The following NLN variants were observed in gnomAD, a reference collection of about 807,000 sequenced individuals.
NLN encodes the protein neurolysin.
Under a neutral mutation model 79.9 loss-of-function variants are expected in NLN, and 64 were observed. The ratio of observed to expected loss-of-function variants is 0.80; its 90% CI spans 0.65 to 0.99. NLN has a LOEUF of 0.99. NLN is among the 50% of genes least tolerant of loss of function. The pLI is 0.00. For missense variants in NLN, 835 were observed against 858.7 expected (o/e 0.97, Z 0.34); for synonymous variants, 267 against 296.6 (o/e 0.90, Z 1.02).
intron 12 of NLN, among the ~76,000 whole-genome samples, chr5:65,822,428 C>A (rs1353279236): frequency 6.6e-6 from 1 of 152,208 alleles, no homozygotes; most frequent in Admixed American, 6.5e-5. Flanking sequence ...TGAACACTTG[C>A]TTTCTAAGCC....
rs1483137489 is a variant in NLN, at chr5:65,785,793, C to T, written c.841C>T (p.Gln281Ter). Residue 281 changes from glutamine (Q) to a stop codon, truncating the protein, a stop_gained, in exon 7 of 13, where the codon CAG becomes TAG. Coordinates refer to ENST00000380985, the MANE Select transcript of NLN (RefSeq NM_020726.5). LOFTEE classifies it high-confidence loss of function. ...TTACTAGGAAAACACCATAATTTTG[C>T]AGCAGCTACTCCCACTGCGAACCAA... ...RCKEENTIIL[Q>*]QLLPLRTKVA... is the part of the protein sequence containing the mutation. The T allele has an allele frequency of 6.2e-7, 1 of 1,613,436 alleles. No individual in the cohort carries two copies. The highest frequency in any genetic ancestry group is 2.2e-5 in the East Asian group (1 of 44,870).
intron 12 of NLN, among the ~76,000 whole-genome samples, chr5:65,816,914 G>C (rs1760683642): frequency 6.6e-6 from 1 of 152,110 alleles, no homozygotes; most frequent in Admixed American, 6.5e-5. Flanking sequence ...TTAGTCCCCA[G>C]GCACTAGAGA....
chr5:65,740,932 G>A (rs1238224339), intron 1 of NLN: 6 of 160,194 alleles, frequency 3.7e-5, no homozygotes, highest in African/African-American at 1.0e-4. Context: ...GGTGTGCAGT[G>A]GCGTGATCTT....
At chr5:65,803,558 G>A (rs377379182) in intron 9 of NLN, among the ~76,000 whole-genome samples, 206 of 152,270 alleles carry the variant, frequency 1.4e-3, no homozygotes, top group African/African-American at 4.4e-3. Context: ...GCCTGGGTCC[G>A]CAGCCATGGC....
chr5:65,789,580 C>T (rs912275186), intron 8 of NLN, among the ~76,000 whole-genome samples: 6 of 152,136 alleles, frequency 3.9e-5, no homozygotes, highest in African/African-American at 1.2e-4. Context: ...AGTTCAAGAT[C>T]AGCCTGGCCA....
At chr5:65,729,279 G>A (rs557305790) in intron 1 of NLN, among the ~76,000 whole-genome samples, 149 of 150,040 alleles carry the variant, frequency 9.9e-4, no homozygotes, top group Non-Finnish European at 1.7e-3. Context: ...AAAAAATCTA[G>A]TAAAGAAAGG....
chr5:65,727,323 A>G (rs1190249409), intron 1 of NLN, among the ~76,000 whole-genome samples: 1 of 152,116 alleles, frequency 6.6e-6, no homozygotes, highest in Non-Finnish European at 1.5e-5. Context: ...GCTCACCACC[A>G]TGCCCAGCTA....
chr5:65,739,956 T>C (rs1171870305), intron 1 of NLN, among the ~76,000 whole-genome samples: 2 of 152,240 alleles, frequency 1.3e-5, no homozygotes, highest in African/African-American at 2.4e-5. Context: ...AGGTTGTCTC[T>C]TCATTCTGTT....
intron 2 of NLN, among the ~76,000 whole-genome samples, chr5:65,759,925 A>G (rs953847169): frequency 3.9e-5 from 6 of 152,140 alleles, no homozygotes; most frequent in African/African-American, 1.4e-4. Flanking sequence ...AGACCCTTCA[A>G]GTTATAAGGA....
At position 65,792,633 on chromosome 5, in the gene NLN, T is replaced by C. The variant is rs200711870; in HGVS notation, c.1505T>C (p.Val502Ala). 4 of 1,613,932 alleles carry C rather than the reference T, an allele frequency of 2.5e-6. No individual in the cohort carries two copies. Among genetic ancestry groups the C allele is most frequent in the Non-Finnish European group, 2.5e-6 (3 of 1,179,854 alleles). The change falls in exon 9 of 13, where the codon GTG (valine) becomes GCG (alanine). Residue 502 changes from valine (V) to alanine (A), a missense_variant. Coordinates refer to ENST00000380985, the MANE Select transcript of NLN (RefSeq NM_020726.5). The stretch of plus-strand genomic sequence containing the variant: ...ACTTACTTTCATGAGTTTGGTCACG[T>C]GATGCATCAGATTTGTGCACAGGTG... ...VRTYFHEFGH[V>A]MHQICAQTDF...
chr5:65,765,677 C>T (rs760493717), intron 3 of NLN, among the ~76,000 whole-genome samples: 114 of 151,566 alleles, frequency 7.5e-4, no homozygotes, highest in Non-Finnish European at 1.3e-3. Context: ...CCACTGTACT[C>T]CAGCCTGAGT....
intron 1 of NLN, among the ~76,000 whole-genome samples, chr5:65,727,117 C>A (rs1193911691): frequency 6.6e-6 from 1 of 152,160 alleles, no homozygotes; most frequent in Non-Finnish European, 1.5e-5. Flanking sequence ...CACTTTGTGA[C>A]CTTAAAAAAA....
chr5:65,766,297 A>G (rs1169820612), intron 3 of NLN, among the ~76,000 whole-genome samples: 1 of 152,240 alleles, frequency 6.6e-6, no homozygotes, highest in Admixed American at 6.5e-5. Context: ...ACAGTTCCAC[A>G]TGGCTGGGAG....
intron 8 of NLN, among the ~76,000 whole-genome samples, chr5:65,789,928 TTC>T: frequency 6.6e-6 from 1 of 152,316 alleles, no homozygotes; most frequent in South Asian, 2.1e-4. Flanking sequence ...CTCTTTGAGA[TTC>T]TGTTTCTTCC....
Position 65,788,111 on chromosome 5 carries a change from C to A in NLN, c.959-7C>A. On this transcript the variant is annotated splice_region_variant and splice_polypyrimidine_tract_variant and intron_variant, in intron 7 of 12. Transcript: ENST00000380985. ...AGTAGATCACTAACTTTTCCTTTTC[C>A]TTACAGATGATTTAAGCCAGAAGTT... 1 of 1,607,644 alleles carries A rather than the reference C, an allele frequency of 6.2e-7. No individual in the cohort carries two copies. Among genetic ancestry groups the A allele is most frequent in the Non-Finnish European group, 8.5e-7 (1 of 1,177,560 alleles).
Position 65,785,840 on chromosome 5 carries a change from T to C in NLN, c.888T>C (p.Tyr296=). The change falls in exon 7 of 13, where the codon TAT becomes TAC. Residue 296 remains tyrosine (Y), a synonymous_variant. Coordinates refer to ENST00000380985, the MANE Select transcript of NLN (RefSeq NM_020726.5). Reference sequence around the variant, plus strand: ...CCAAGGTGGCCAAACTACTCGGTTATAGCACACATGCTGACTTCGTCCTTG... The same window carrying C: ...CCAAGGTGGCCAAACTACTCGGTTACAGCACACATGCTGACTTCGTCCTTG... ...LRTKVAKLLG[Y]STHADFVLEM... 1 of 1,613,814 alleles carries C rather than the reference T, an allele frequency of 6.2e-7. No individual in the cohort carries two copies. Among genetic ancestry groups the C allele is most frequent in the Non-Finnish European group, 8.5e-7 (1 of 1,179,864 alleles).
chr5:65,800,632 G>T (rs1163434798), intron 9 of NLN, among the ~76,000 whole-genome samples: 1 of 151,774 alleles, frequency 6.6e-6, no homozygotes, highest in African/African-American at 2.4e-5. Context: ...TTCTGCCACT[G>T]CACTCTAGCT....
rs895077237 is a variant in NLN at position 65,823,328 on chromosome 5, C to T, written c.*413C>T. 6.3e-6 allele frequency: 1 copy of T among 157,798 alleles called. No homozygotes were observed. Among genetic ancestry groups the T allele is most frequent in the African/African-American group, 2.4e-5 (1 of 41,468 alleles). 9.8% of individuals were successfully genotyped at this position (157,798 alleles called of 1,614,324 possible). On this transcript the variant is annotated 3_prime_UTR_variant, in exon 13 of 13. Transcript: ENST00000380985. ...TTCTGGACTGATAAATGAATCATCA[C>T]ATTCTTCTGGTAAATATTTTCTTGG...
Position 65,825,509 on chromosome 5 carries a change from A to C in NLN, c.*2594A>C, listed in dbSNP as rs1760898699. On this transcript the variant is annotated 3_prime_UTR_variant, in exon 13 of 13. Transcript: ENST00000380985. ...GTTTAGTTTTACGATGCTGCAGAGA[A>C]GAGAAATGTCTTGACGTTTTGCCAC... 6.6e-6 allele frequency: 1 copy of C among 152,198 alleles called. No individual in the cohort carries two copies. Among genetic ancestry groups the C allele is most frequent in the African/African-American group, 2.4e-5 (1 of 41,448 alleles). 9.4% of individuals were successfully genotyped at this position (152,198 alleles called of 1,614,324 possible).
Sources: gnomAD v4.1 joint callset for allele counts (sites outside exome capture counted in the v4.1 genomes callset) on GRCh38, gnomAD v4.1.1 for gene constraint, MANE v1.5 for transcripts, NCBI Gene and HGNC (gene_info 2026-07-23, HGNC 2026-07-21) for gene names.